The following SOX5 variants were observed in gnomAD, a reference collection of about 807,000 sequenced individuals.
The protein encoded by SOX5 is transcription factor SOX-5.
Under a neutral mutation model 92.0 loss-of-function variants are expected in SOX5, and 9 were observed. The ratio of observed to expected loss-of-function variants is 0.10; its 90% CI spans 0.06 to 0.17. SOX5 has a LOEUF of 0.17. Among genes scored for constraint, SOX5 ranks in the 10% least tolerant of loss-of-function variants. The probability of loss-of-function intolerance (pLI) is 1.00; values close to 1 mark genes in which losing one functional copy is unlikely to be tolerated. For synonymous variants in SOX5, 344 were observed against 336.3 expected, an observed-to-expected ratio of 1.02 and a Z score of -0.25; for missense variants, 642 against 944.5, an observed-to-expected ratio of 0.68 and a Z score of 4.20.
intron 2 of SOX5, among the ~76,000 whole-genome samples, chr12:24,336,989 G>A (rs909486080): frequency 1.2e-4 from 19 of 152,290 alleles, no homozygotes; most frequent in African/African-American, 4.6e-4. Flanking sequence ...AATTTGTGCA[G>A]TAGAAGTTTA....
chr12:24,451,189 C>T (rs1431110003), intron 1 of SOX5, among the ~76,000 whole-genome samples: 2 of 152,168 alleles, frequency 1.3e-5, no homozygotes, highest in African/African-American at 2.4e-5. Context: ...TTTATCCATT[C>T]ATATGTTGAT....
intron 3 of SOX5, among the ~76,000 whole-genome samples, chr12:24,215,855 G>A (rs978808950): frequency 1.3e-5 from 2 of 151,370 alleles, no homozygotes; most frequent in Non-Finnish European, 2.9e-5. Flanking sequence ...CAAAATTTAT[G>A]ACAAAGCTAC....
intron 3 of SOX5, among the ~76,000 whole-genome samples, chr12:24,238,874 C>T (rs1347894659): frequency 6.6e-6 from 1 of 152,254 alleles, no homozygotes; most frequent in African/African-American, 2.4e-5. Context: ...CCATCTCTCA[C>T]ATTCAATGTC....
At chr12:23,873,421 C>A (rs960787257) in intron 2 of SOX5, among the ~76,000 whole-genome samples, 1 of 152,110 alleles carries the variant, frequency 6.6e-6, no homozygotes, top group Non-Finnish European at 1.5e-5. Context: ...TGCAGCGAGC[C>A]AAGATAGTGC....
intron 1 of SOX5, among the ~76,000 whole-genome samples, chr12:24,525,854 CAA>C (rs766928901): frequency 1.5e-5 from 2 of 136,034 alleles, no homozygotes; most frequent in African/African-American, 2.7e-5. Flanking sequence ...GACTCCATCT[CAA>C]AAAAAAAAAA....
chr12:24,351,968 A>G (rs530961040), intron 2 of SOX5, among the ~76,000 whole-genome samples: 13 of 152,240 alleles, frequency 8.5e-5, no homozygotes, highest in Non-Finnish European at 1.8e-4. Flanking sequence ...CAACTTTGTG[A>G]AAGATTCTAA....
intron 6 of SOX5, among the ~76,000 whole-genome samples, chr12:23,667,686 TAAAGGAACTGAA>T (rs2084043067): frequency 6.6e-6 from 1 of 151,918 alleles, no homozygotes; most frequent in South Asian, 2.1e-4. Context: ...AAGTAGGAGA[TAAAGGAACTGAA>T]AGAGGAACTA....
At chr12:24,030,500 G>C (rs956190365) in intron 4 of SOX5, among the ~76,000 whole-genome samples, 1 of 151,850 alleles carries the variant, frequency 6.6e-6, no homozygotes, top group African/African-American at 2.4e-5. Flanking sequence ...ATATGCAAAA[G>C]AAGGAAATTA....
intron 1 of SOX5, among the ~76,000 whole-genome samples, chr12:23,918,787 C>T (rs996385487): frequency 6.6e-6 from 1 of 151,998 alleles, no homozygotes; most frequent in Non-Finnish European, 1.5e-5. Context: ...CGTGGTGGCA[C>T]ATGCCTGTAA....
At chr12:24,450,440 G>A (rs1339383083) in intron 1 of SOX5, among the ~76,000 whole-genome samples, 1 of 151,816 alleles carries the variant, frequency 6.6e-6, no homozygotes, top group Non-Finnish European at 1.5e-5. Context: ...CAGGATAAAT[G>A]GGATATCCAT....
At chr12:23,794,602 C>T (rs150067750) in intron 3 of SOX5, among the ~76,000 whole-genome samples, 1 of 152,144 alleles carries the variant, frequency 6.6e-6, no homozygotes, top group East Asian at 1.9e-4. Flanking sequence ...ATCAACGTAG[C>T]AAAAACAAAA....
chr12:23,863,563 C>T (rs2096778732), intron 2 of SOX5, among the ~76,000 whole-genome samples: 1 of 152,060 alleles, frequency 6.6e-6, no homozygotes, highest in Admixed American at 6.6e-5. Context: ...TTTAATTTTA[C>T]TAACCTTACT....
In SOX5 at chr12:24,384,131, C is replaced by T. The variant is rs541441809; in HGVS notation, c.-250-15492G>A. On this transcript the variant is annotated intron_variant, in intron 1 of 4. Transcript: ENST00000446891. ...CATGCAGAGCTATGAGTCAATTGAA[C>T]CTCCTTCCTTTATAAATTACCCAGT... Among the ~76,000 whole-genome samples the T allele has an allele frequency of 3.3e-5, 5 of 152,300 alleles. No homozygotes were observed. In the East Asian group the frequency reaches 9.6e-4, roughly 29 times the overall value.
chr12:24,217,174 T>C (rs1204391734), intron 3 of SOX5, among the ~76,000 whole-genome samples: 1 of 152,162 alleles, frequency 6.6e-6, no homozygotes, highest in Non-Finnish European at 1.5e-5. Context: ...TATCAAACCT[T>C]AAAGGGGTTC....
chr12:24,112,343 C>A (rs1947455503), intron 4 of SOX5, among the ~76,000 whole-genome samples: 1 of 152,066 alleles, frequency 6.6e-6, no homozygotes, highest in South Asian at 2.1e-4. Flanking sequence ...TAGCTACATT[C>A]ATGCTGTAAA....
chr12:24,477,792 A>AT (rs1945558884), intron 1 of SOX5, among the ~76,000 whole-genome samples: 1 of 151,934 alleles, frequency 6.6e-6, no homozygotes, highest in South Asian at 2.1e-4. Flanking sequence ...TTTTCTTATA[A>AT]TTTTTTACAT....
intron 8 of SOX5, among the ~76,000 whole-genome samples, chr12:23,615,538 C>A (rs2137894204): frequency 6.6e-6 from 1 of 152,138 alleles, no homozygotes; most frequent in South Asian, 2.1e-4. Context: ...GACTCTTGTT[C>A]CCCTCTGTGT....
intron 3 of SOX5, among the ~76,000 whole-genome samples, chr12:23,805,726 C>A (rs79974955): frequency 6.6e-6 from 1 of 151,944 alleles, no homozygotes; most frequent in Non-Finnish European, 1.5e-5. Flanking sequence ...CAAATGTATA[C>A]GGCCAAACAG....
chr12:23,870,384 C>A (rs1244985221), intron 2 of SOX5, among the ~76,000 whole-genome samples: 1 of 152,014 alleles, frequency 6.6e-6, no homozygotes, highest in Non-Finnish European at 1.5e-5. Flanking sequence ...GAAGATTATA[C>A]CTAATTTCCA....
Sources: gnomAD v4.1 joint callset for allele counts (sites outside exome capture counted in the v4.1 genomes callset) on GRCh38, gnomAD v4.1.1 for gene constraint, MANE v1.5 for transcripts, NCBI Gene and HGNC (gene_info 2026-07-23, HGNC 2026-07-21) for gene names.